Variants in LRP8 observed in about 807,000 individuals in gnomAD.
The protein encoded by LRP8 is low-density lipoprotein receptor-related protein 8.
A neutral mutation model predicts 111.6 loss-of-function variants in LRP8; 46 were observed. The observed-to-expected ratio is 0.41, with a 90% CI of 0.33 to 0.53. The LOEUF (loss-of-function observed/expected upper bound fraction) is 0.53. Ranked by LOEUF, LRP8 falls within the 20% of genes least tolerant of loss-of-function variation. The probability of loss-of-function intolerance (pLI) is 0.20; values close to 1 mark genes in which losing one functional copy is unlikely to be tolerated. For synonymous variants in LRP8, 464 were observed against 511.2 expected (o/e 0.91, Z 1.24); for missense variants, 959 against 1,297.4 (o/e 0.74, Z 4.01).
At chr1:53,281,283 C>G (rs766105347) in intron 3 of LRP8, among the ~76,000 whole-genome samples, 13 of 152,330 alleles carry the variant, frequency 8.5e-5, no homozygotes, top group Admixed American at 8.5e-4. Context: ...CAGGGCCCAG[C>G]GGGACTGCAT....
At position 53,326,683 on chromosome 1, in the gene LRP8, C is replaced by G. The variant is rs113496308; in HGVS notation, c.244+190G>C. ...ACCAGGACACGCCAGCTTTCCTGCC[C>G]GCTCCGGGTCGCTAAGAGCCACCCG... On this transcript the variant is annotated intron_variant, in intron 2 of 18. Coordinates refer to ENST00000306052, the MANE Select transcript of LRP8 (RefSeq NM_004631.5). 4.5e-3 allele frequency among the ~76,000 whole-genome samples: 693 copies of G among 152,334 alleles called. 8 individuals carry two copies. Among genetic ancestry groups the G allele is most frequent in the African/African-American group, 0.016 (671 of 41,584 alleles).
intron 2 of LRP8, among the ~76,000 whole-genome samples, chr1:53,320,401 T>G (rs564808174): frequency 4.8e-4 from 73 of 152,326 alleles, no homozygotes; most frequent in Non-Finnish European, 7.8e-4. Flanking sequence ...TGAGGACACC[T>G]GAGTTCTGAG....
chr1:53,290,889 C>T (rs530445677), intron 2 of LRP8, among the ~76,000 whole-genome samples: 34 of 152,208 alleles, frequency 2.2e-4, no homozygotes, highest in Admixed American at 2.2e-3. Flanking sequence ...GCGCTCCACC[C>T]CTGACATCCT....
intron 2 of LRP8, among the ~76,000 whole-genome samples, chr1:53,297,708 CG>C (rs1209454263): frequency 6.6e-6 from 1 of 152,162 alleles, no homozygotes; most frequent in Admixed American, 6.5e-5. Flanking sequence ...GCTTTCAAAT[CG>C]GGAAGAGTTT....
At chr1:53,277,991 C>G (rs191178082) in intron 4 of LRP8, among the ~76,000 whole-genome samples, 2 of 152,182 alleles carry the variant, frequency 1.3e-5, no homozygotes, top group Admixed American at 1.3e-4. Flanking sequence ...TAAGGACACA[C>G]GTCATGGCTC....
Position 53,264,177 on chromosome 1 carries a change from G to A in LRP8, c.1647C>T (p.Pro549=). The change falls in exon 10 of 19, where the codon CCC becomes CCT. Residue 549 remains proline, a synonymous_variant. Coordinates refer to ENST00000306052, the MANE Select transcript of LRP8 (RefSeq NM_004631.5). Reference sequence around the variant, plus strand: ...TCAGTTGGGACACTCACCCTCGCAGGGGGTCAACAGCGATGGCCCGGGGTT... The same window carrying A: ...TCAGTTGGGACACTCACCCTCGCAGAGGGTCAACAGCGATGGCCCGGGGTT... ...LSEPRAIAVD[P]LRGFMYWSDW... is the part of the protein sequence containing the mutation. 1 of 1,614,054 alleles carries A rather than the reference G, an allele frequency of 6.2e-7. No homozygotes were observed.
intron 9 of LRP8, among the ~76,000 whole-genome samples, chr1:53,265,056 G>A (rs1646499652): frequency 1.3e-5 from 2 of 152,148 alleles, no homozygotes. Context: ...AGGGAATGAA[G>A]CAGGGAAACT....
At chr1:53,281,679 A>G (rs1378429917) in intron 3 of LRP8, among the ~76,000 whole-genome samples, 3 of 152,206 alleles carry the variant, frequency 2.0e-5, no homozygotes, top group Admixed American at 6.5e-5. Context: ...TCCTACTTCA[A>G]TCACTCACTG....
chr1:53,312,554 C>T (rs1653195496), intron 2 of LRP8, among the ~76,000 whole-genome samples: 1 of 151,408 alleles, frequency 6.6e-6, no homozygotes, highest in Non-Finnish European at 1.5e-5. Flanking sequence ...GACGGAGTCT[C>T]ACTATGTTGC....
chr1:53,292,435 C>T (rs1323392104), intron 2 of LRP8, among the ~76,000 whole-genome samples: 1 of 152,128 alleles, frequency 6.6e-6, no homozygotes, highest in Admixed American at 6.5e-5. Flanking sequence ...TCTGGAGAGG[C>T]CCTCCCTGTT....
chr1:53,314,518 G>A (rs1359271116), intron 2 of LRP8, among the ~76,000 whole-genome samples: 4 of 152,216 alleles, frequency 2.6e-5, no homozygotes, highest in African/African-American at 7.2e-5. Context: ...CAGGCTTGCC[G>A]TGAAGGTGGG....
rs1232736809 is a variant in LRP8, at chr1:53,243,705, T to TATAA, written c.*3312_*3313insTTAT. ...TGTGCTCTTTCATACCTCTGTGTTTTAGCTCGATGTGTCTCTGTCTGAAGC... is the reference window on the plus strand; with the variant it reads ...TGTGCTCTTTCATACCTCTGTGTTTTATAAAGCTCGATGTGTCTCTGTCTGAAGC... On this transcript the variant is annotated 3_prime_UTR_variant, in exon 19 of 19. Transcript: ENST00000306052. 2 of 152,246 alleles carry TATAA rather than the reference T, an allele frequency of 1.3e-5. No homozygotes were observed. The highest frequency in any genetic ancestry group is 2.9e-5 in the Non-Finnish European group (2 of 68,054). 9.4% of individuals were successfully genotyped at this position (152,246 alleles called of 1,614,324 possible). A position where few individuals can be genotyped will look rare whatever the true frequency, so the allele number is the denominator to read the frequency against.
At chr1:53,260,762 C>T (rs1263252405) in intron 12 of LRP8, among the ~76,000 whole-genome samples, 157 bp from the exon 13 acceptor site, 1 of 152,196 alleles carries the variant, frequency 6.6e-6, no homozygotes, top group African/African-American at 2.4e-5. Context: ...AGCCTCTAAT[C>T]TGTGATGCAC....
chr1:53,306,207 G>A (rs999556074), intron 2 of LRP8: 3 of 152,238 alleles, frequency 2.0e-5, no homozygotes, highest in Non-Finnish European at 4.4e-5. Flanking sequence ...CTGGAAGCCT[G>A]GGGCTTTTCC....
chr1:53,281,946 C>A (rs991425770), intron 3 of LRP8, among the ~76,000 whole-genome samples: 5 of 152,218 alleles, frequency 3.3e-5, no homozygotes, highest in African/African-American at 1.2e-4. Flanking sequence ...GTTCTGGTCA[C>A]AGAGCTGATA....
chr1:53,296,393 T>C (rs922546786), intron 2 of LRP8, among the ~76,000 whole-genome samples: 5 of 152,198 alleles, frequency 3.3e-5, no homozygotes, highest in Middle Eastern at 6.3e-3. Flanking sequence ...GACTTGGATG[T>C]TCCCACTTCC....
At chr1:53,254,542 A>G (rs1646009106) in intron 16 of LRP8, among the ~76,000 whole-genome samples, 1 of 152,034 alleles carries the variant, frequency 6.6e-6, no homozygotes, top group South Asian at 2.1e-4. Context: ...GTCGTAATGA[A>G]CTTATCTGTG....
chr1:53,270,735 T>C (rs755877150), intron 8 of LRP8, among the ~76,000 whole-genome samples: 35 of 152,232 alleles, frequency 2.3e-4, no homozygotes, highest in Non-Finnish European at 4.6e-4. Context: ...CAGAGTGCAC[T>C]GTCCCTTTAA....
At position 53,262,175 on chromosome 1, in the gene LRP8, A is replaced by C. The variant is rs1322790554; in HGVS notation, c.1807T>G (p.Ser603Ala). The change falls in exon 12 of 19, where the codon TCC becomes GCC. Residue 603 changes from serine (S) to alanine (A), a missense_variant. Ser to Ala is a moderately conservative substitution (Grantham distance 99). Transcript: ENST00000306052. The surrounding 1 kb of genome is among the most constrained non-coding windows in gnomAD (Gnocchi z 4.8). The part of the protein sequence containing the change: ...LLSQRLYWVD[S>A]KLHQLSSIDF... The stretch of plus-strand genomic sequence containing the variant: ...ATGCTGGACAGTTGGTGTAGCTTGG[A>C]GTCTACCCAGTACAAGCGCTGGCTC... 1.2e-6 allele frequency: 2 copies of C among 1,613,848 alleles called. No individual in the cohort carries two copies. Among genetic ancestry groups the C allele is most frequent in the Admixed American group, 1.7e-5 (1 of 60,020 alleles).
Sources: allele counts gnomAD v4.1 joint callset (sites outside exome capture counted in the v4.1 genomes callset), GRCh38; gene constraint gnomAD v4.1.1; non-coding constraint Gnocchi (gnomAD v3.1); transcripts MANE v1.5; gene names NCBI Gene and HGNC (gene_info 2026-07-23, HGNC 2026-07-21).